The following KIF18A variants were observed in gnomAD, a reference collection of about 807,000 sequenced individuals.
KIF18A encodes kinesin family member 18A, also known as kinesin-like protein KIF18A.
KIF18A carries 67 observed loss-of-function variants against 103.3 expected under a neutral mutation model. That is an observed-to-expected ratio of 0.65 (90% CI 0.53 to 0.79). The LOEUF (loss-of-function observed/expected upper bound fraction) is 0.79. Ranked by LOEUF, KIF18A falls within the 30% of genes least tolerant of loss-of-function variation. The pLI, the probability that KIF18A is intolerant of heterozygous loss-of-function variation, is 0.00. For missense variants in KIF18A, 1,032 were observed against 1,062.5 expected (o/e 0.97, Z 0.40); for synonymous variants, 367 against 355.5 (o/e 1.03, Z -0.36).
At chr11:28,080,512 T>C (rs1222140243) in intron 9 of KIF18A, among the ~76,000 whole-genome samples, 3 of 152,130 alleles carry the variant, frequency 2.0e-5, no homozygotes, top group Non-Finnish European at 4.4e-5. Flanking sequence ...CATGGTGATT[T>C]GTGACCAATG....
At chr11:28,105,975 A>ATC (rs1851499074) in intron 1 of KIF18A, among the ~76,000 whole-genome samples, 1 of 152,256 alleles carries the variant, frequency 6.6e-6, no homozygotes, top group East Asian at 1.9e-4. Flanking sequence ...TAGGATAAGT[A>ATC]ACTTTTCCAA....
chr11:28,097,862 C>A lies in KIF18A; in HGVS notation c.86G>T (p.Gly29Val). The A allele has an allele frequency of 5.6e-6, 9 of 1,611,782 alleles. No individual in the cohort carries two copies. The highest frequency in any genetic ancestry group is 7.6e-6 in the Non-Finnish European group (9 of 1,179,254). ...RPENTKEKAAGFHKVVHVVDK... is the reference protein window; with the variant it reads ...RPENTKEKAAVFHKVVHVVDK... ...CACAACATGAACCACTTTATGAAATCCAGCTGCTTTTTCTTTAGTGTTTTC... is the reference window on the plus strand; with the variant it reads ...CACAACATGAACCACTTTATGAAATACAGCTGCTTTTTCTTTAGTGTTTTC... The change falls in exon 2 of 17, where the codon GGA becomes GTA. Residue 29 changes from glycine to valine, a missense_variant. Gly to Val is a moderately radical substitution (Grantham distance 109, BLOSUM62 -3). Transcript: ENST00000263181.
intron 6 of KIF18A, among the ~76,000 whole-genome samples, chr11:28,086,819 T>C (rs1011938473): frequency 2.0e-5 from 3 of 152,200 alleles, no homozygotes; most frequent in Admixed American, 6.5e-5. Context: ...TAAAAAATTA[T>C]AGATTAGTTC....
At chr11:28,104,895 T>C (rs1219350733) in intron 1 of KIF18A, among the ~76,000 whole-genome samples, 1 of 152,146 alleles carries the variant, frequency 6.6e-6, no homozygotes, top group Non-Finnish European at 1.5e-5. Flanking sequence ...ACACAAGAAA[T>C]TGATAATACC....
At chr11:28,036,782 A>T in intron 13 of KIF18A, 118 bp from the exon 14 acceptor site, 2 of 574,176 alleles carry the variant, frequency 3.5e-6, no homozygotes, top group Non-Finnish European at 5.7e-6. Flanking sequence ...AATTGATAAA[A>T]ATCTGAAAAA....
chr11:28,024,707 G>C (rs181794277), intron 15 of KIF18A, among the ~76,000 whole-genome samples: 103 of 152,060 alleles, frequency 6.8e-4, no homozygotes, highest in African/African-American at 2.3e-3. Flanking sequence ...TCTGGGTCCT[G>C]AAAAACAGCA....
intron 5 of KIF18A, 86 bp from the exon 6 acceptor site, chr11:28,088,807 T>C: frequency 9.8e-7 from 1 of 1,016,884 alleles, no homozygotes; most frequent in East Asian, 2.6e-5. Flanking sequence ...GAGCACAAAA[T>C]CAAAATTATT....
At chr11:28,061,559 T>A in intron 12 of KIF18A, among the ~76,000 whole-genome samples, 1 of 152,092 alleles carries the variant, frequency 6.6e-6, no homozygotes, top group East Asian at 1.9e-4. Flanking sequence ...AAATGAATAT[T>A]CAATATCTGC....
At chr11:28,078,329 C>T (rs1331539566) in intron 9 of KIF18A, among the ~76,000 whole-genome samples, 3 of 152,074 alleles carry the variant, frequency 2.0e-5, no homozygotes, top group African/African-American at 7.2e-5. Context: ...TTATATTACA[C>T]CAACGGTAAT....
intron 2 of KIF18A, among the ~76,000 whole-genome samples, chr11:28,095,060 C>T (rs1480264156): frequency 6.6e-6 from 1 of 152,160 alleles, no homozygotes; most frequent in Non-Finnish European, 1.5e-5. Flanking sequence ...ATCTTAAAAT[C>T]TCCCTACAGA....
Position 28,077,096 on chromosome 11 carries a change from A to T in KIF18A, c.1336T>A (p.Leu446Ile). ...IRQEYLKLEMLLKENELKSFY... is the reference protein window; with the variant it reads ...IRQEYLKLEMILKENELKSFY... ...GATTTAAGTTCATTTTCTTTAAGTA[A>T]CATTTCCAACTTCAGATATTCTTGT... The change falls in exon 10 of 17, where the codon TTA becomes ATA. Residue 446 changes from leucine (L) to isoleucine (I), a missense_variant. Physicochemically the swap from Leu to Ile is conservative, Grantham distance 5 (BLOSUM62 2). Coordinates refer to ENST00000263181, the MANE Select transcript of KIF18A (RefSeq NM_031217.4). 6.3e-7 allele frequency: 1 copy of T among 1,577,428 alleles called. No homozygotes were observed. The highest frequency in any genetic ancestry group is 8.6e-7 in the Non-Finnish European group (1 of 1,166,926).
chr11:28,084,867 C>T (rs1851207833), intron 6 of KIF18A, 59 bp from the exon 7 acceptor site: 4 of 1,345,060 alleles, frequency 3.0e-6, no homozygotes, highest in Admixed American at 1.8e-5. Context: ...AAACCTGCTA[C>T]CACTTTAGCA....
chr11:28,032,026 C>G (rs534108519), intron 15 of KIF18A, among the ~76,000 whole-genome samples: 1 of 151,330 alleles, frequency 6.6e-6, no homozygotes, highest in South Asian at 2.1e-4. Context: ...AACCTAGAAA[C>G]AAATTCAGTA....
At chr11:28,072,932 T>C (rs1851039909) in intron 10 of KIF18A, among the ~76,000 whole-genome samples, 1 of 152,122 alleles carries the variant, frequency 6.6e-6, no homozygotes, top group Admixed American at 6.6e-5. Flanking sequence ...TTAATTATAC[T>C]AAATAATAAT....
At chr11:28,102,543 A>C (rs1851459324) in intron 1 of KIF18A, among the ~76,000 whole-genome samples, 1 of 152,162 alleles carries the variant, frequency 6.6e-6, no homozygotes, top group African/African-American at 2.4e-5. Context: ...ATGGTCACTC[A>C]TATTTGGCTC....
intron 11 of KIF18A, among the ~76,000 whole-genome samples, chr11:28,062,784 T>C (rs1326272481): frequency 1.8e-4 from 27 of 152,090 alleles, no homozygotes; most frequent in Admixed American, 1.8e-3. Flanking sequence ...ATCCAACTTG[T>C]TCACAATGTT....
chr11:28,085,370 T>C (rs1264112614), intron 6 of KIF18A, among the ~76,000 whole-genome samples: 1 of 152,184 alleles, frequency 6.6e-6, no homozygotes, highest in Non-Finnish European at 1.5e-5. Flanking sequence ...CCTAAACCCC[T>C]CCCTGTGGTG....
At chr11:28,071,850 G>A (rs1042780896) in intron 10 of KIF18A, among the ~76,000 whole-genome samples, 8 of 152,260 alleles carry the variant, frequency 5.3e-5, no homozygotes, top group Non-Finnish European at 1.2e-4. Context: ...CCTAACTGAA[G>A]GCAGGCAGCT....
chr11:28,087,791 G>A (rs1291429170), intron 6 of KIF18A, among the ~76,000 whole-genome samples: 1 of 152,182 alleles, frequency 6.6e-6, no homozygotes, highest in Non-Finnish European at 1.5e-5. Context: ...TAACTGGCAT[G>A]AGATGGTATC....
Sources: gnomAD v4.1 joint callset for allele counts (sites outside exome capture counted in the v4.1 genomes callset) on GRCh38, gnomAD v4.1.1 for gene constraint, MANE v1.5 for transcripts, NCBI Gene and HGNC (gene_info 2026-07-23, HGNC 2026-07-21) for gene names.